Variants in DLG2 observed in about 807,000 individuals in gnomAD.
DLG2 encodes discs large MAGUK scaffold protein 2, also known as disks large homolog 2.
DLG2 carries 45 observed loss-of-function variants against 132.5 expected under a neutral mutation model. That is an observed-to-expected ratio of 0.34 (90% CI 0.27 to 0.44). The LOEUF is 0.44. Ranked by LOEUF, DLG2 falls within the 20% of genes least tolerant of loss-of-function variation. The pLI is 1.00. For synonymous variants in DLG2, 424 were observed against 419.6 expected (o/e 1.01, Z -0.13); for missense variants, 1,045 against 1,196.9 (o/e 0.87, Z 1.87).
chr11:83,532,696 T>A lies in DLG2; in HGVS notation c.2193+12A>T. On this transcript the variant is annotated intron_variant, in intron 21 of 27. Transcript: ENST00000376104. ...CTGAGAGAACTTGATGTTTCCATCA[T>A]TTTGTACCTACCCCTTTCGAATCAA... The A allele has an allele frequency of 1.2e-6, 2 of 1,612,174 alleles. No individual in the cohort carries two copies. Among genetic ancestry groups the A allele is most frequent in the Non-Finnish European group, 1.7e-6 (2 of 1,178,550 alleles).
intron 7 of DLG2, among the ~76,000 whole-genome samples, chr11:84,295,815 G>C (rs1376011384): frequency 6.6e-6 from 1 of 152,094 alleles, no homozygotes; most frequent in African/African-American, 2.4e-5. Flanking sequence ...TAATATTTCT[G>C]CTGATCTTTG....
At chr11:85,050,325 T>C (rs990949630) in intron 6 of DLG2, among the ~76,000 whole-genome samples, 6 of 151,982 alleles carry the variant, frequency 3.9e-5, no homozygotes, top group African/African-American at 9.7e-5. Flanking sequence ...GAAGAAAATA[T>C]AAAAAAGAAT....
At chr11:83,895,145 C>CTTTTTTTTTTTTTTTT (rs11287512) in intron 15 of DLG2, among the ~76,000 whole-genome samples, 6 of 87,910 alleles carry the variant, frequency 6.8e-5, no homozygotes, top group African/African-American at 2.0e-4. Context: ...GAACTACTGT[C>CTTTTTTTTTTTTTTTT]TTTTTTTTTT....
intron 6 of DLG2, among the ~76,000 whole-genome samples, chr11:84,951,154 C>G (rs371174564): frequency 2.0e-5 from 3 of 152,202 alleles, no homozygotes; most frequent in African/African-American, 7.2e-5. Flanking sequence ...ACTTTAAAAA[C>G]TGTGCTTCTA....
At chr11:84,121,754 G>A (rs2154201756) in intron 9 of DLG2, among the ~76,000 whole-genome samples, 1 of 150,854 alleles carries the variant, frequency 6.6e-6, no homozygotes, top group South Asian at 2.1e-4. Context: ...GTAGAGACGG[G>A]GTTTCACCGT....
intron 6 of DLG2, among the ~76,000 whole-genome samples, chr11:84,900,909 C>T (rs1232649711): frequency 6.6e-6 from 1 of 151,984 alleles, no homozygotes; most frequent in Non-Finnish European, 1.5e-5. Flanking sequence ...ACACAATATG[C>T]AAGGCCATTG....
chr11:83,791,311 G>T, intron 17 of DLG2: 1 of 676,734 alleles, frequency 1.5e-6, no homozygotes, highest in Non-Finnish European at 2.6e-6. Flanking sequence ...CTTGCCTTTT[G>T]GCTTCTGTTT....
chr11:85,514,103 C>T (rs73499123), intron 3 of DLG2, among the ~76,000 whole-genome samples: 1,792 of 151,960 alleles, frequency 0.012, 34 homozygotes, highest in African/African-American at 0.041. Context: ...TTATTCATGT[C>T]CTTCTTGTTC....
At chr11:84,441,152 T>TTATTATTATTAC (rs1436375752) in intron 7 of DLG2, among the ~76,000 whole-genome samples, 38 of 151,258 alleles carry the variant, frequency 2.5e-4, no homozygotes, top group Admixed American at 2.1e-3. Context: ...ATTATTATTA[T>TTATTATTATTAC]TATTACTATT....
intron 6 of DLG2, among the ~76,000 whole-genome samples, chr11:85,059,423 G>T (rs1250290534): frequency 6.6e-6 from 1 of 151,534 alleles, no homozygotes; most frequent in Non-Finnish European, 1.5e-5. Context: ...TTGAATAAAT[G>T]AAGGCATATC....
intron 6 of DLG2, among the ~76,000 whole-genome samples, chr11:85,027,360 C>A (rs1697305574): frequency 6.6e-6 from 1 of 152,036 alleles, no homozygotes; most frequent in Non-Finnish European, 1.5e-5. Flanking sequence ...TTACTCTATC[C>A]AGAAGCAGGG....
intron 16 of DLG2, among the ~76,000 whole-genome samples, 174 bp downstream of exon 16, chr11:83,874,246 G>GGGAAGGAAGGAAGGAGAGAGGGAAGGAA (rs144508115): frequency 1.1e-4 from 16 of 144,084 alleles, no homozygotes; most frequent in Non-Finnish European, 2.1e-4. Flanking sequence ...AAAGAAAGAA[G>GGGAAGGAAGGAAGGAGAGAGGGAAGGAA]GGAAGGAAGG....
chr11:84,962,568 T>C (rs2052730980), intron 6 of DLG2, among the ~76,000 whole-genome samples: 1 of 152,236 alleles, frequency 6.6e-6, no homozygotes, highest in South Asian at 2.1e-4. Context: ...GATGTGTTCA[T>C]GTCCCTAGCA....
At chr11:84,681,557 G>C (rs561026103) in intron 6 of DLG2, among the ~76,000 whole-genome samples, 8 of 152,122 alleles carry the variant, frequency 5.3e-5, no homozygotes, top group Non-Finnish European at 1.0e-4. Context: ...CTTAATGGCA[G>C]AATAAAACTT....
Position 85,432,094 on chromosome 11 carries a change from G to C in DLG2, c.41-146729C>G, listed in dbSNP as rs1429385022. Among the ~76,000 whole-genome samples the C allele has an allele frequency of 2.0e-5, 3 of 152,162 alleles. No homozygotes were observed. In the South Asian group the frequency reaches 6.2e-4, roughly 32 times the overall value. On this transcript the variant is annotated intron_variant, in intron 3 of 27. Coordinates refer to ENST00000376104, the MANE Select transcript of DLG2 (RefSeq NM_001142699.3). ...CCTACCGAAGAGGAACCTGACTGTT[G>C]AAAGAAAAACAAACAAACAGAAAGC...
At chr11:84,328,312 G>A (rs187546604) in intron 7 of DLG2, among the ~76,000 whole-genome samples, 2 of 151,392 alleles carry the variant, frequency 1.3e-5, no homozygotes, top group East Asian at 3.9e-4. Context: ...AGGAAGGAAG[G>A]GTGGGCAAGA....
intron 6 of DLG2, among the ~76,000 whole-genome samples, chr11:84,652,189 A>G (rs547819222): frequency 6.6e-6 from 1 of 152,284 alleles, no homozygotes; most frequent in Non-Finnish European, 1.5e-5. Flanking sequence ...TTCTTTCCAA[A>G]GTTTGTCATA....
intron 6 of DLG2, among the ~76,000 whole-genome samples, chr11:85,078,412 T>C (rs7126522): frequency 0.24 from 36,399 of 151,176 alleles, 4,631 homozygotes; most frequent in Middle Eastern, 0.3. Flanking sequence ...TGTAAAGGCT[T>C]TGAGGTAGGA....
intron 6 of DLG2, among the ~76,000 whole-genome samples, chr11:85,084,944 A>C (rs1056462714): frequency 2.0e-5 from 3 of 152,202 alleles, no homozygotes; most frequent in Admixed American, 2.0e-4. Flanking sequence ...CTATGCAAAT[A>C]TAGCTTGAGT....
Sources: gnomAD v4.1 joint callset for allele counts (sites outside exome capture counted in the v4.1 genomes callset) on GRCh38, gnomAD v4.1.1 for gene constraint, MANE v1.5 for transcripts, NCBI Gene and HGNC (gene_info 2026-07-23, HGNC 2026-07-21) for gene names.